The following FBXO30 variants were observed in gnomAD, a reference collection of about 807,000 sequenced individuals.
FBXO30 encodes the protein F-box only protein 30.
FBXO30 carries 21 observed loss-of-function variants against 58.1 expected under a neutral mutation model. The observed-to-expected ratio is 0.36, with a 90% confidence interval of 0.26 to 0.52. FBXO30 has a LOEUF of 0.52. FBXO30 is among the 20% of genes least tolerant of loss of function. The pLI is 0.93. For synonymous variants in FBXO30, 309 were observed against 312.4 expected (o/e 0.99, Z 0.11); for missense variants, 744 against 897.3 (o/e 0.83, Z 2.18).
At chr6:145,801,063 AATT>A (rs1777982306) in intron 2 of FBXO30, among the ~76,000 whole-genome samples, 1 of 152,034 alleles carries the variant, frequency 6.6e-6, no homozygotes, top group Admixed American at 6.6e-5. Context: ...AGCACTGTCA[AATT>A]ATTAGTCCAG....
In FBXO30 at chr6:145,800,244, C is replaced by G; in HGVS notation, c.2100G>C (p.Met700Ile). The G allele has an allele frequency of 1.2e-6, 2 of 1,612,982 alleles. No homozygotes were observed. The highest frequency in any genetic ancestry group is 1.7e-6 in the Non-Finnish European group (2 of 1,179,314). ...AACTGCATTTCTTCAAGTGGTCTGC[C>G]ATGCTTAGGATGTCAGCAAATTTCC... ...NEWKFADILS[M>I]ADHLKKCSYN... is the part of the protein sequence containing the mutation. The change falls in exon 3 of 3, where the codon ATG becomes ATC. Residue 700 changes from methionine to isoleucine, a missense_variant. Transcript: ENST00000237281.
chr6:145,800,476 G>A (rs1361841631), intron 2 of FBXO30, among the ~76,000 whole-genome samples, 167 bp from the exon 3 acceptor site: 2 of 152,018 alleles, frequency 1.3e-5, no homozygotes, highest in African/African-American at 4.8e-5. Context: ...ATAAATGTAT[G>A]TCAAATATTT....
At chr6:145,811,211 G>A (rs1348957964) in intron 1 of FBXO30, among the ~76,000 whole-genome samples, 1 of 152,108 alleles carries the variant, frequency 6.6e-6, no homozygotes. Context: ...TATAATATAA[G>A]AAAATAATGA....
At position 145,799,985 on chromosome 6, in the gene FBXO30, T is replaced by C. The variant is rs1777946104; in HGVS notation, c.*121A>G. On this transcript the variant is annotated 3_prime_UTR_variant, in exon 3 of 3. Coordinates refer to ENST00000237281, the MANE Select transcript of FBXO30 (RefSeq NM_032145.5). ...TAAAAATAGATGTCACTTCAAAACA[T>C]TATATACACAGTGACAATAAATTTA... 1.3e-6 allele frequency: 1 copy of C among 750,908 alleles called. No individual in the cohort carries two copies. Among genetic ancestry groups the C allele is most frequent in the Non-Finnish European group, 2.1e-6 (1 of 471,260 alleles). 46.5% of individuals were successfully genotyped at this position (750,908 alleles called of 1,614,324 possible).
chr6:145,814,196 C>G (rs566236290), intron 1 of FBXO30, among the ~76,000 whole-genome samples: 1 of 152,276 alleles, frequency 6.6e-6, no homozygotes, highest in Non-Finnish European at 1.5e-5. Context: ...CCCAAATAAC[C>G]CAAGTTTCTA....
At position 145,805,647 on chromosome 6, in the gene FBXO30, A is replaced by C. The variant is rs1245238277; in HGVS notation, c.759T>G (p.Asn253Lys). Reference protein sequence around the residue: ...EIGAVGGIDYNDTNQNAQSEQ... With the variant: ...EIGAVGGIDYKDTNQNAQSEQ... ...CAGACTGGGCATTCTGATTTGTGTC[A>C]TTGTAGTCAATTCCACCTACTGCTC... Residue 253 changes from asparagine to lysine, a missense_variant, in exon 2 of 3, where the codon AAT (asparagine) becomes AAG (lysine). Physicochemically the swap from Asn to Lys is moderately conservative, Grantham distance 94. Transcript: ENST00000237281. The C allele has an allele frequency of 6.2e-7, 1 of 1,613,972 alleles. No individual in the cohort carries two copies. Among genetic ancestry groups the C allele is most frequent in the African/African-American group, 1.3e-5 (1 of 74,918 alleles).
At chr6:145,814,423 G>A (rs891309293) in intron 1 of FBXO30, among the ~76,000 whole-genome samples, 180 bp downstream of exon 1, 7 of 152,026 alleles carry the variant, frequency 4.6e-5, no homozygotes, top group African/African-American at 1.7e-4. Flanking sequence ...GGCCGACCCG[G>A]GACGCGCATG....
At chr6:145,806,464 T>C in intron 1 of FBXO30, 43 bp from the exon 2 acceptor site, 1 of 1,492,378 alleles carries the variant, frequency 6.7e-7, no homozygotes, top group Non-Finnish European at 9.1e-7. Flanking sequence ...AGCCAAAAAA[T>C]GGTTGATTTT....
At position 145,805,473 on chromosome 6, in the gene FBXO30, G is replaced by T. The variant is rs1200528780; in HGVS notation, c.933C>A (p.Asn311Lys). 6.2e-7 allele frequency: 1 copy of T among 1,608,490 alleles called. No individual in the cohort carries two copies. Among genetic ancestry groups the T allele is most frequent in the East Asian group, 2.2e-5 (1 of 44,808 alleles). Residue 311 changes from asparagine to lysine, a missense_variant, in exon 2 of 3, where the codon AAC becomes AAA. Asn to Lys is a moderately conservative substitution (Grantham distance 94). Around this residue, in one of 3 missense-constraint regions of FBXO30, gnomAD observed 275 missense variants for 262.0 expected, o/e 1.05. Coordinates refer to ENST00000237281, the MANE Select transcript of FBXO30 (RefSeq NM_032145.5). ...QNLHGDSKQS[N>K]LTNGDCVASS... ...ATGCCACACAGTCTCCATTTGTTAA[G>T]TTACTTTGTTTTGAATCACCATGTA...
rs1367140825 is a variant in FBXO30 at position 145,794,512 on chromosome 6, C to T, written c.*5594G>A. On this transcript the variant is annotated 3_prime_UTR_variant, in exon 3 of 3. Coordinates refer to ENST00000237281, the MANE Select transcript of FBXO30 (RefSeq NM_032145.5). ...ATTCAGAGTAAGTTATTTCATATGA[C>T]ATGGCTGTCATGACAAAGCTATTGG... The T allele has an allele frequency of 1.3e-5, 2 of 151,872 alleles. No individual in the cohort carries two copies. The highest frequency in any genetic ancestry group is 2.1e-4 in the South Asian group (1 of 4,826). The allele number at this position is 151,872 out of a possible 1,614,324, so 9.4% of individuals were successfully genotyped here. A position where few individuals can be genotyped will look rare whatever the true frequency, so the allele number is the denominator to read the frequency against.
rs190920043 is a variant in FBXO30 at position 145,796,518 on chromosome 6, C to T, written c.*3588G>A. Reference sequence around the variant, plus strand: ...CACCTATCAGAGAAATTCTTTCCATCAAAAGTCTGTCCAGAGAATGAGGGC... The same window carrying T: ...CACCTATCAGAGAAATTCTTTCCATTAAAAGTCTGTCCAGAGAATGAGGGC... On this transcript the variant is annotated 3_prime_UTR_variant, in exon 3 of 3. Coordinates refer to ENST00000237281, the MANE Select transcript of FBXO30 (RefSeq NM_032145.5). 6.6e-6 allele frequency: 1 copy of T among 152,098 alleles called. No homozygotes were observed. Among genetic ancestry groups the T allele is most frequent in the Non-Finnish European group, 1.5e-5 (1 of 67,894 alleles). The allele number at this position is 152,098 out of a possible 1,614,324, so 9.4% of individuals were successfully genotyped here.
chr6:145,813,851 G>A (rs1367591133), intron 1 of FBXO30, among the ~76,000 whole-genome samples: 3 of 152,158 alleles, frequency 2.0e-5, no homozygotes, highest in African/African-American at 7.2e-5. Context: ...AAGAGAAAGG[G>A]AGAGGGAAAT....
At position 145,803,808 on chromosome 6, in the gene FBXO30, G is replaced by A. The variant is rs112993122; in HGVS notation, c.2034+564C>T. Among the ~76,000 whole-genome samples the A allele has an allele frequency of 6.3e-3, 958 of 152,098 alleles. 15 individuals are homozygous for A. Among genetic ancestry groups the A allele is most frequent in the African/African-American group, 0.022 (909 of 41,478 alleles). ...TACTGCCCTACTCTGTTCTCACAGCGGCCTAAAGCATCTCCTCATTCATCC... is the reference window on the plus strand; with the variant it reads ...TACTGCCCTACTCTGTTCTCACAGCAGCCTAAAGCATCTCCTCATTCATCC... On this transcript the variant is annotated intron_variant, in intron 2 of 2. Transcript: ENST00000237281.
chr6:145,803,119 G>C (rs984373813), intron 2 of FBXO30, among the ~76,000 whole-genome samples: 1 of 151,994 alleles, frequency 6.6e-6, no homozygotes, highest in African/African-American at 2.4e-5. Context: ...ATGATGGCGA[G>C]TTAAATTTGA....
intron 2 of FBXO30, among the ~76,000 whole-genome samples, chr6:145,803,314 T>C (rs1180530212): frequency 1.3e-5 from 2 of 152,148 alleles, no homozygotes; most frequent in African/African-American, 4.8e-5. Flanking sequence ...GTAGAAACTT[T>C]CTGCCATCAG....
intron 1 of FBXO30, among the ~76,000 whole-genome samples, chr6:145,806,663 C>T (rs1778179853): frequency 6.6e-6 from 1 of 152,086 alleles, no homozygotes; most frequent in Non-Finnish European, 1.5e-5. Flanking sequence ...TTTTTATATA[C>T]TATATAACAA....
rs1777870122 is a variant in FBXO30 at position 145,796,559 on chromosome 6, T to C, written c.*3547A>G. On this transcript the variant is annotated 3_prime_UTR_variant, in exon 3 of 3. Coordinates refer to ENST00000237281, the MANE Select transcript of FBXO30 (RefSeq NM_032145.5). Reference sequence around the variant, plus strand: ...GAATGAGGGCCAATTGCTTTCTCTCTACTGCACTTCTAAACAACCAACTCT... The same window carrying C: ...GAATGAGGGCCAATTGCTTTCTCTCCACTGCACTTCTAAACAACCAACTCT... The C allele has an allele frequency of 6.6e-6, 1 of 152,068 alleles. No individual in the cohort carries two copies. Among genetic ancestry groups the C allele is most frequent in the African/African-American group, 2.4e-5 (1 of 41,446 alleles). The allele number at this position is 152,068 out of a possible 1,614,324, so 9.4% of individuals were successfully genotyped here.
chr6:145,814,109 T>C (rs1359490530), intron 1 of FBXO30, among the ~76,000 whole-genome samples: 2 of 152,194 alleles, frequency 1.3e-5, no homozygotes, highest in African/African-American at 4.8e-5. Flanking sequence ...CTTCCATGAA[T>C]GGCAAAGTTA....
intron 2 of FBXO30, 42 bp downstream of exon 2, chr6:145,804,329 GT>G: frequency 1.3e-6 from 2 of 1,485,594 alleles, no homozygotes. Context: ...TATTATTAAA[GT>G]CCTCTTTATG....
Sources: gnomAD v4.1 joint callset for allele counts (sites outside exome capture counted in the v4.1 genomes callset) on GRCh38, gnomAD v4.1.1 for gene constraint, gnomAD v4.1.1 regional missense constraint, MANE v1.5 for transcripts, NCBI Gene and HGNC (gene_info 2026-07-23, HGNC 2026-07-21) for gene names.